Variants in PINX1 observed in about 807,000 individuals in gnomAD.
PINX1 encodes PIN2 (TERF1) interacting telomerase inhibitor 1.
Under a neutral mutation model 25.4 loss-of-function variants are expected in PINX1, and 34 were observed. The observed-to-expected ratio is 1.34, with a 90% CI of 1.02 to 1.78. PINX1 has a LOEUF of 1.78. Ranked by LOEUF, PINX1 falls within the 40% of genes most tolerant of loss-of-function variation. The probability of loss-of-function intolerance (pLI) is 0.00; values close to 1 mark genes in which losing one functional copy is unlikely to be tolerated. For synonymous variants in PINX1, 197 were observed against 147.7 expected (o/e 1.33, Z -2.42); for missense variants, 592 against 404.9 (o/e 1.46, Z -3.97).
At chr8:10,804,266 T>A (rs1057287310) in intron 6 of PINX1, among the ~76,000 whole-genome samples, 3 of 152,166 alleles carry the variant, frequency 2.0e-5, no homozygotes, top group African/African-American at 7.2e-5. Context: ...GTGACTCTCA[T>A]CACCAGAGCC....
At chr8:10,796,922 C>G (rs1337688070) in intron 6 of PINX1, among the ~76,000 whole-genome samples, 1 of 151,984 alleles carries the variant, frequency 6.6e-6, no homozygotes, top group Non-Finnish European at 1.5e-5. Flanking sequence ...CCCCTCCTCC[C>G]AACCCAAACA....
intron 6 of PINX1, among the ~76,000 whole-genome samples, chr8:10,808,612 C>T (rs1202533062): frequency 1.3e-5 from 2 of 152,192 alleles, no homozygotes; most frequent in African/African-American, 4.8e-5. Context: ...GGTTACATAG[C>T]GTGTCCAGTA....
At chr8:10,778,277 C>T (rs763362213) in intron 6 of PINX1, among the ~76,000 whole-genome samples, 11 of 151,948 alleles carry the variant, frequency 7.2e-5, no homozygotes, top group South Asian at 2.1e-4. Flanking sequence ...GAAGAGTTTC[C>T]GATTTTTGAT....
chr8:10,831,831 A>T, intron 3 of PINX1, 88 bp from the exon 4 acceptor site: 1 of 733,714 alleles, frequency 1.4e-6, no homozygotes, highest in Non-Finnish European at 2.4e-6. Flanking sequence ...AAGGAAATCC[A>T]GTGGTTAATT....
chr8:10,836,482 G>C (rs973031065), intron 1 of PINX1, among the ~76,000 whole-genome samples: 2 of 152,210 alleles, frequency 1.3e-5, no homozygotes, highest in African/African-American at 4.8e-5. Flanking sequence ...TCTTTGACTA[G>C]GGCTTGTACG....
chr8:10,794,958 G>C (rs905221264), intron 6 of PINX1, among the ~76,000 whole-genome samples: 1 of 152,180 alleles, frequency 6.6e-6, no homozygotes, highest in Admixed American at 6.5e-5. Flanking sequence ...CATTGCTGAA[G>C]AATGCAGGTG....
chr8:10,820,517 C>T (rs1797835840), intron 5 of PINX1, among the ~76,000 whole-genome samples: 1 of 152,136 alleles, frequency 6.6e-6, no homozygotes. Context: ...GTAGAAACAA[C>T]CTAGAGCATA....
chr8:10,821,637 G>A (rs1449522081), intron 5 of PINX1, among the ~76,000 whole-genome samples: 1 of 152,252 alleles, frequency 6.6e-6, no homozygotes, highest in African/African-American at 2.4e-5. Flanking sequence ...GTAGCGGGAA[G>A]AGGTGGACAA....
In PINX1 at chr8:10,839,827, A is replaced by G. The variant is rs915712554; in HGVS notation, c.-71T>C. On this transcript the variant is annotated 5_prime_UTR_variant, in exon 1 of 7. Transcript: ENST00000314787. ...GGCCACTGGGCGGGCTGGAGACTCC[A>G]GGAGAATCAGGACGTGCGTAACTCC... 2 of 1,446,500 alleles carry G rather than the reference A, an allele frequency of 1.4e-6. No homozygotes were observed. The highest frequency in any genetic ancestry group is 9.5e-7 in the Non-Finnish European group (1 of 1,052,208). 89.6% of individuals were successfully genotyped at this position (1,446,500 alleles called of 1,614,324 possible). A position where few individuals can be genotyped will look rare whatever the true frequency, so the allele number is the denominator to read the frequency against.
chr8:10,833,089 G>C, intron 2 of PINX1, 105 bp from the exon 3 acceptor site: 1 of 643,228 alleles, frequency 1.6e-6, no homozygotes. Context: ...GTTCTGAGTT[G>C]ATGATTCTCT....
intron 6 of PINX1, among the ~76,000 whole-genome samples, chr8:10,782,241 C>T (rs967248725): frequency 4.5e-4 from 68 of 152,028 alleles, no homozygotes; most frequent in African/African-American, 1.6e-3. Flanking sequence ...CCACACTGTA[C>T]CTTAGCTCTC....
chr8:10,777,933 G>C (rs965417520), intron 6 of PINX1, among the ~76,000 whole-genome samples: 7 of 152,172 alleles, frequency 4.6e-5, no homozygotes, highest in Admixed American at 1.3e-4. Flanking sequence ...TGCACACCCA[G>C]CAATCTCCTG....
chr8:10,806,670 G>C (rs547986074), intron 6 of PINX1, among the ~76,000 whole-genome samples: 4 of 152,320 alleles, frequency 2.6e-5, no homozygotes, highest in East Asian at 3.9e-4. Context: ...ACAGCAGCCA[G>C]TGTTTCCTCT....
chr8:10,804,623 G>T (rs901408062), intron 6 of PINX1, among the ~76,000 whole-genome samples: 8 of 152,092 alleles, frequency 5.3e-5, no homozygotes, highest in Non-Finnish European at 1.0e-4. Context: ...TGGGGCCGGG[G>T]AGGCTACTTA....
intron 6 of PINX1, among the ~76,000 whole-genome samples, chr8:10,811,027 G>A (rs547366258): frequency 6.6e-6 from 1 of 152,268 alleles, no homozygotes; most frequent in Non-Finnish European, 1.5e-5. Flanking sequence ...CTGTGAGAGT[G>A]TTGGTGCTGA....
At chr8:10,782,431 AT>A (rs35399971) in intron 6 of PINX1, among the ~76,000 whole-genome samples, 26 of 149,654 alleles carry the variant, frequency 1.7e-4, no homozygotes, top group Middle Eastern at 3.5e-3. Flanking sequence ...AAAAAAAAAA[AT>A]TTTTTTTTTT....
At chr8:10,817,948 A>T (rs531234837) in intron 6 of PINX1, among the ~76,000 whole-genome samples, 55 of 152,074 alleles carry the variant, frequency 3.6e-4, no homozygotes, top group East Asian at 7.7e-4. Flanking sequence ...AATTTTTTTT[A>T]AATTTTTCTC....
At position 10,823,763 on chromosome 8, in the gene PINX1, G is replaced by C. The variant is rs114540864; in HGVS notation, c.394+2389C>G. ...CGATCACTTGAGCCCAGAAGGTCAA[G>C]TCTGCAGTGAGCTGAGACTGTTCCT... On this transcript the variant is annotated intron_variant, in intron 5 of 6. Coordinates refer to ENST00000314787, the MANE Select transcript of PINX1 (RefSeq NM_017884.6). 2.8e-3 allele frequency among the ~76,000 whole-genome samples: 432 copies of C among 152,322 alleles called. 2 individuals are homozygous for C. Among genetic ancestry groups the C allele is most frequent in the African/African-American group, 9.9e-3 (412 of 41,578 alleles).
intron 6 of PINX1, among the ~76,000 whole-genome samples, chr8:10,784,444 G>T (rs545163826): frequency 6.6e-6 from 1 of 152,124 alleles, no homozygotes; most frequent in African/African-American, 2.4e-5. Flanking sequence ...AGAAATAAAA[G>T]AAAACTAACT....
Sources: gnomAD v4.1 joint callset for allele counts (sites outside exome capture counted in the v4.1 genomes callset) on GRCh38, gnomAD v4.1.1 for gene constraint, MANE v1.5 for transcripts, NCBI Gene and HGNC (gene_info 2026-07-23, HGNC 2026-07-21) for gene names.